The following FBXW10B variants were observed in gnomAD, a reference collection of about 807,000 sequenced individuals.
FBXW10B encodes the protein F-box and WD repeat domain containing 10B.
the FBXW10B span, among the ~76,000 whole-genome samples, chr17:15,616,834 A>G: frequency 6.4e-5 from 8 of 124,724 alleles, no homozygotes; most frequent in South Asian, 2.0e-3. Context: ...AAAAAAAAAA[A>G]GAAGAAGGTT....
chr17:15,594,401 G>A, the FBXW10B span, among the ~76,000 whole-genome samples: 1 of 150,498 alleles, frequency 6.6e-6, no homozygotes, highest in Non-Finnish European at 1.5e-5. Context: ...GAACCCAGGA[G>A]GTAGAGCTTG....
the FBXW10B span, chr17:15,598,513 T>C: frequency 1.2e-6 from 2 of 1,613,730 alleles, no homozygotes. Flanking sequence ...TTAGAAAATT[T>C]AAGGCACTTC....
At chr17:15,618,922 C>T in the FBXW10B span, 18 of 1,558,678 alleles carry the variant, frequency 1.2e-5, no homozygotes, top group Non-Finnish European at 1.6e-5. Context: ...CCTATGTTGT[C>T]TACAACTGCA....
chr17:15,612,343 T>TA, the FBXW10B span, among the ~76,000 whole-genome samples: 2,733 of 144,428 alleles, frequency 0.019, 53 homozygotes, highest in African/African-American at 0.054. Flanking sequence ...CCGCCTCTAC[T>TA]AAAAAAAAAA....
chr17:15,592,958 G>T, the FBXW10B span, among the ~76,000 whole-genome samples: 1 of 150,072 alleles, frequency 6.7e-6, no homozygotes, highest in Non-Finnish European at 1.5e-5. Flanking sequence ...CTAAAAATTA[G>T]CCGGGCATAC....
At chr17:15,605,549 G>T in the FBXW10B span, 2 of 1,440,738 alleles carry the variant, frequency 1.4e-6, no homozygotes, top group Non-Finnish European at 1.9e-6. Flanking sequence ...TTCAACAAGG[G>T]AGGCAGCAGA....
chr17:15,599,506 T>A, the FBXW10B span, among the ~76,000 whole-genome samples: 3 of 135,280 alleles, frequency 2.2e-5, no homozygotes, highest in Non-Finnish European at 3.1e-5. Context: ...AAATGCTTGA[T>A]CAGTGTCAGG....
chr17:15,607,403 G>A, the FBXW10B span, among the ~76,000 whole-genome samples: 41 of 146,738 alleles, frequency 2.8e-4, no homozygotes, highest in Middle Eastern at 3.4e-3. Context: ...GCCAAGAATG[G>A]TGCAAAATGA....
chr17:15,609,986 G>A, the FBXW10B span, among the ~76,000 whole-genome samples: 73 of 149,604 alleles, frequency 4.9e-4, no homozygotes, highest in African/African-American at 1.6e-3. Context: ...TCAGCCTCCC[G>A]GGTAGCTGGG....
chr17:15,610,558 C>T, the FBXW10B span, among the ~76,000 whole-genome samples: 2 of 152,212 alleles, frequency 1.3e-5, no homozygotes, highest in Admixed American at 6.5e-5. Context: ...ACCCAAGAGA[C>T]TTTCCCCCCA....
the FBXW10B span, among the ~76,000 whole-genome samples, chr17:15,587,915 T>C: frequency 2.6e-5 from 4 of 152,210 alleles, no homozygotes; most frequent in Admixed American, 2.6e-4. Flanking sequence ...AGTGGAATTA[T>C]GGCTTCTGCT....
At chr17:15,612,066 G>A in the FBXW10B span, among the ~76,000 whole-genome samples, 1,050 of 152,252 alleles carry the variant, frequency 6.9e-3, 8 homozygotes, top group Non-Finnish European at 0.011. Flanking sequence ...GGGCTGATGG[G>A]GTTGCTCCTG....
At chr17:15,611,109 C>T in the FBXW10B span, among the ~76,000 whole-genome samples, 7 of 151,602 alleles carry the variant, frequency 4.6e-5, no homozygotes, top group East Asian at 7.8e-4. Flanking sequence ...CTGCAAGCTC[C>T]GCCTCCCGGG....
At chr17:15,601,366 A>G in the FBXW10B span, among the ~76,000 whole-genome samples, 3 of 146,370 alleles carry the variant, frequency 2.0e-5, no homozygotes, top group East Asian at 2.0e-4. Flanking sequence ...CTGAGATCGC[A>G]CTACCGCACT....
chr17:15,598,984 G>A, the FBXW10B span, among the ~76,000 whole-genome samples: 1 of 151,954 alleles, frequency 6.6e-6, no homozygotes, highest in African/African-American at 2.4e-5. Flanking sequence ...AGACCATACT[G>A]GCCAACATGG....
the FBXW10B span, among the ~76,000 whole-genome samples, chr17:15,597,804 G>A: frequency 2.6e-5 from 4 of 152,140 alleles, no homozygotes; most frequent in Non-Finnish European, 5.9e-5. Context: ...CACTTACATG[G>A]CACTAACAGC....
chr17:15,578,470 G>C, the FBXW10B span, among the ~76,000 whole-genome samples: 1 of 151,896 alleles, frequency 6.6e-6, no homozygotes, highest in Non-Finnish European at 1.5e-5. Flanking sequence ...GACCCTATTT[G>C]GTGCAGGTGA....
the FBXW10B span, among the ~76,000 whole-genome samples, chr17:15,606,979 T>C: frequency 6.6e-6 from 1 of 152,226 alleles, no homozygotes; most frequent in Non-Finnish European, 1.5e-5. Context: ...TAAAGGACCT[T>C]CGTCTCTCGG....
At chr17:15,587,567 C>A in the FBXW10B span, among the ~76,000 whole-genome samples, 148,536 of 149,808 alleles carry the variant, frequency 0.99, 73,662 homozygotes, top group East Asian at 1. Flanking sequence ...GACTTCATTC[C>A]GTACTGTAGT....
Sources: allele counts gnomAD v4.1 joint callset (sites outside exome capture counted in the v4.1 genomes callset), GRCh38; gene constraint gnomAD v4.1.1; transcripts MANE v1.5; gene names NCBI Gene and HGNC (gene_info 2026-07-23, HGNC 2026-07-21).